Variants in ZNF704 observed in about 807,000 individuals in gnomAD.
ZNF704 encodes the protein glucocorticoid induced gene 1.
Under a neutral mutation model 44.7 loss-of-function variants are expected in ZNF704, and 10 were observed. The observed-to-expected ratio is 0.22, with a 90% CI of 0.14 to 0.38. The LOEUF is 0.38. Among genes scored for constraint, ZNF704 ranks in the 10% least tolerant of loss-of-function variants. ZNF704 has a pLI of 1.00. For missense variants in ZNF704, 390 were observed against 545.5 expected (o/e 0.71, Z 2.84); for synonymous variants, 211 against 207.6 (o/e 1.02, Z -0.14).
intron 2 of ZNF704, among the ~76,000 whole-genome samples, chr8:80,729,261 T>G (rs1247675286): frequency 6.6e-6 from 1 of 151,956 alleles, no homozygotes; most frequent in Non-Finnish European, 1.5e-5. Context: ...AGTGGTTGGG[T>G]GGGGGCTGTC....
chr8:80,837,591 T>TCCTC (rs140759896), intron 1 of ZNF704, among the ~76,000 whole-genome samples: 32,144 of 151,970 alleles, frequency 0.21, 4,721 homozygotes, highest in African/African-American at 0.42. Context: ...AAACACTTCT[T>TCCTC]CCTTTCTATG....
chr8:80,830,076 CACAAAA>C (rs1808443156), intron 1 of ZNF704, among the ~76,000 whole-genome samples: 1 of 150,978 alleles, frequency 6.6e-6, no homozygotes, highest in African/African-American at 2.5e-5. Context: ...ATTTAAGACA[CACAAAA>C]AAAACAAAAA....
chr8:80,692,707 T>C (rs1341499321), intron 3 of ZNF704, among the ~76,000 whole-genome samples: 2 of 152,104 alleles, frequency 1.3e-5, no homozygotes, highest in Admixed American at 6.5e-5. Context: ...TTCATTTACC[T>C]GGGAAAAAAG....
intron 2 of ZNF704, among the ~76,000 whole-genome samples, chr8:80,795,844 T>C (rs528015375): frequency 1.3e-5 from 2 of 152,314 alleles, no homozygotes; most frequent in South Asian, 4.1e-4. Context: ...TGCACTGGCA[T>C]TTGTAGTAGG....
intron 2 of ZNF704, among the ~76,000 whole-genome samples, chr8:80,803,969 C>G (rs1001532389): frequency 1.3e-5 from 2 of 151,812 alleles, no homozygotes; most frequent in Non-Finnish European, 2.9e-5. Context: ...TTACAAGGAG[C>G]TCAAGTAAAT....
intron 5 of ZNF704, 87 bp from the exon 6 acceptor site, chr8:80,665,169 G>C: frequency 6.9e-7 from 1 of 1,446,136 alleles, no homozygotes; most frequent in South Asian, 1.3e-5. Context: ...CCTCTGTCTG[G>C]AATGCTTTTC....
intron 2 of ZNF704, among the ~76,000 whole-genome samples, chr8:80,731,341 T>A (rs1377440402): frequency 6.6e-6 from 1 of 152,202 alleles, no homozygotes; most frequent in African/African-American, 2.4e-5. Context: ...TAACTCCTGC[T>A]GATATAAGAC....
rs759626842 is a variant in ZNF704, at chr8:80,641,471, G to A, written c.1134C>T (p.Pro378=). 11 of 1,611,810 alleles carry A rather than the reference G, an allele frequency of 6.8e-6. No individual in the cohort carries two copies. The highest frequency in any genetic ancestry group is 9.3e-6 in the Non-Finnish European group (11 of 1,178,716). The change falls in exon 9 of 9, where the codon CCC becomes CCT. Residue 378 remains proline (P), a synonymous_variant. Coordinates refer to ENST00000327835, the MANE Select transcript of ZNF704 (RefSeq NM_001033723.3). ...PPRGTVSLRK[P]RGEGKKCRKV... is the part of the protein sequence containing the mutation. Reference sequence around the variant, plus strand: ...TCCGACACTTTTTGCCCTCTCCCCTGGGCTTCCTGTAAGACAGACGAGGAA... The same window carrying A: ...TCCGACACTTTTTGCCCTCTCCCCTAGGCTTCCTGTAAGACAGACGAGGAA...
chr8:80,815,179 T>G (rs1362473318), intron 2 of ZNF704, among the ~76,000 whole-genome samples: 1 of 152,228 alleles, frequency 6.6e-6, no homozygotes, highest in African/African-American at 2.4e-5. Flanking sequence ...GACATCACTG[T>G]ATTTTAAAAC....
At chr8:80,862,841 C>T (rs1356502499) in intron 1 of ZNF704, among the ~76,000 whole-genome samples, 4 of 149,142 alleles carry the variant, frequency 2.7e-5, no homozygotes, top group Non-Finnish European at 4.5e-5. Flanking sequence ...GCTAAAAGCA[C>T]ACTTTCAGAG....
chr8:80,774,359 T>C (rs1027004964), intron 2 of ZNF704, among the ~76,000 whole-genome samples: 2 of 152,142 alleles, frequency 1.3e-5, no homozygotes, highest in Admixed American at 1.3e-4. Context: ...TGTGAGCCAC[T>C]ACAACCAGCC....
the ZNF704 span, among the ~76,000 whole-genome samples, chr8:80,884,415 C>T: frequency 1.3e-5 from 2 of 152,220 alleles, no homozygotes; most frequent in Admixed American, 6.5e-5. Context: ...CCCCCAGTGG[C>T]TCCATATATT....
the ZNF704 span, among the ~76,000 whole-genome samples, chr8:80,883,343 A>T: frequency 6.6e-6 from 1 of 152,112 alleles, no homozygotes; most frequent in Non-Finnish European, 1.5e-5. Context: ...TACTAAACCT[A>T]GCCATTTTAA....
At chr8:80,644,963 C>T in intron 7 of ZNF704, 3 of 1,146,630 alleles carry the variant, frequency 2.6e-6, no homozygotes, top group Non-Finnish European at 4.0e-6. Context: ...GTAGTGGGTG[C>T]CGGAACAGCA....
rs183595326 is a variant in ZNF704, at chr8:80,808,820, C to G, written c.221+12554G>C. 3.4e-4 allele frequency among the ~76,000 whole-genome samples: 52 copies of G among 152,314 alleles called. 1 individual carries two copies. The highest frequency in any genetic ancestry group is 1.2e-3 in the African/African-American group (50 of 41,572). On this transcript the variant is annotated intron_variant, in intron 2 of 8. Transcript: ENST00000327835. ...ATTTATCAACTGTGGTTAGAAAGAA[C>G]AGTTCCTCCAAAAACAGTTCACAGT... is the stretch of plus-strand genomic sequence containing the variant.
chr8:80,746,553 G>C (rs1446703394), intron 2 of ZNF704, among the ~76,000 whole-genome samples: 2 of 152,118 alleles, frequency 1.3e-5, no homozygotes, highest in East Asian at 3.9e-4. Context: ...CCTCATTTTT[G>C]CCTCCAACAG....
chr8:80,792,246 G>A (rs959226655), intron 2 of ZNF704, among the ~76,000 whole-genome samples: 1 of 152,122 alleles, frequency 6.6e-6, no homozygotes, highest in African/African-American at 2.4e-5. Context: ...GAGCTGGTGG[G>A]AGTGTAACTG....
chr8:80,769,551 G>C lies in ZNF704; in HGVS notation c.221+51823C>G, dbSNP rs183468255. On this transcript the variant is annotated intron_variant, in intron 2 of 8. Coordinates refer to ENST00000327835, the MANE Select transcript of ZNF704 (RefSeq NM_001033723.3). ...GTTCAAAGTTCCAGGAATCACTAGGGCAGGGGCAAAATGCCACCAGTCTCT... is the reference window on the plus strand; with the variant it reads ...GTTCAAAGTTCCAGGAATCACTAGGCCAGGGGCAAAATGCCACCAGTCTCT... 2.0e-5 allele frequency among the ~76,000 whole-genome samples: 3 copies of C among 152,242 alleles called. No individual in the cohort carries two copies. The East Asian group carries it at 5.8e-4, about 29-fold the overall frequency.
chr8:80,854,732 G>A (rs1033504111), intron 1 of ZNF704, among the ~76,000 whole-genome samples: 5 of 152,186 alleles, frequency 3.3e-5, no homozygotes, highest in African/African-American at 1.2e-4. Context: ...TTGCAAGTTA[G>A]CAAATTATTA....
Sources: gnomAD v4.1 joint callset for allele counts (sites outside exome capture counted in the v4.1 genomes callset) on GRCh38, gnomAD v4.1.1 for gene constraint, MANE v1.5 for transcripts, NCBI Gene and HGNC (gene_info 2026-07-23, HGNC 2026-07-21) for gene names.